ZEB2: variants seen among roughly 807,000 people sequenced by gnomAD.
ZEB2 encodes the protein zinc finger E-box binding homeobox 2, also known as zinc finger E-box-binding homeobox 2.
In ZEB2, 6 loss-of-function variants were observed where a neutral mutation model predicts 99.9. That is an observed-to-expected ratio of 0.06 (90% CI 0.03 to 0.12). The LOEUF is 0.12. ZEB2 is among the 10% of genes least tolerant of loss of function. The pLI is 1.00. For synonymous variants in ZEB2, 517 were observed against 542.5 expected (o/e 0.95, Z 0.65); for missense variants, 969 against 1,502.8 (o/e 0.64, Z 5.87).
intron 4 of ZEB2, among the ~76,000 whole-genome samples, chr2:144,419,577 C>T (rs963332569): frequency 6.6e-6 from 1 of 152,202 alleles, no homozygotes; most frequent in African/African-American, 2.4e-5. Context: ...CTTGTTACTA[C>T]TAGCACGTAG....
At chr2:144,476,613 T>C (rs1237943330) in intron 2 of ZEB2, among the ~76,000 whole-genome samples, 4 of 152,194 alleles carry the variant, frequency 2.6e-5, no homozygotes, top group African/African-American at 9.7e-5. Flanking sequence ...AGCCATGAGA[T>C]TGGAACAGGA....
intron 2 of ZEB2, among the ~76,000 whole-genome samples, chr2:144,484,230 A>G (rs1704562788): frequency 1.5e-5 from 1 of 66,438 alleles, no homozygotes; most frequent in Non-Finnish European, 4.2e-5. Context: ...CCCAATTTTT[A>G]AATATTGGCA....
At chr2:144,401,752 AT>A (rs947522895) in intron 6 of ZEB2, among the ~76,000 whole-genome samples, 3 of 152,152 alleles carry the variant, frequency 2.0e-5, no homozygotes, top group Admixed American at 6.5e-5. Flanking sequence ...AAAGTTATCA[AT>A]TTTTTTGTAT....
At chr2:144,501,366 G>A (rs574341618) in intron 2 of ZEB2, among the ~76,000 whole-genome samples, 1 of 152,238 alleles carries the variant, frequency 6.6e-6, no homozygotes, top group Admixed American at 6.5e-5. Context: ...AAGGGGAAAA[G>A]GCCATGTAAG....
rs2149877446 is a variant in ZEB2 at position 144,400,054 on chromosome 2, G to T, written c.1133C>A (p.Pro378Gln). 1 of 1,613,676 alleles carries T rather than the reference G, an allele frequency of 6.2e-7. No homozygotes were observed. The highest frequency in any genetic ancestry group is 2.2e-5 in the East Asian group (1 of 44,864). Residue 378 changes from proline to glutamine, a missense_variant, in exon 8 of 10, where the codon CCA (proline) becomes CAA (glutamine). Transcript: ENST00000627532. ...QLRNKLENGK[P>Q]LSMSEQTGLL... ...GCCTGTCTGTTCAGACATACTAAGT[G>T]GTTTTCCATTCTCCAACTTGTTTCT... is the stretch of plus-strand genomic sequence containing the variant.
At chr2:144,511,118 C>T (rs1705031069) in intron 2 of ZEB2, among the ~76,000 whole-genome samples, 1 of 152,296 alleles carries the variant, frequency 6.6e-6, no homozygotes. Flanking sequence ...TTGGTATTTT[C>T]TGTCTTCATG....
intron 4 of ZEB2, among the ~76,000 whole-genome samples, chr2:144,417,431 AT>A (rs1448511706): frequency 6.6e-6 from 1 of 152,190 alleles, no homozygotes; most frequent in Non-Finnish European, 1.5e-5. Flanking sequence ...GAAGAAAAAA[AT>A]ATATATGATT....
At chr2:144,516,599 G>C (rs1705149635) in intron 2 of ZEB2, 1 of 2,222 alleles carries the variant, frequency 4.5e-4, no homozygotes. Flanking sequence ...TTCAGTCCCC[G>C]GCCTGGGGGC....
At chr2:144,471,469 A>C (rs1048706710) in intron 2 of ZEB2, among the ~76,000 whole-genome samples, 2 of 151,690 alleles carry the variant, frequency 1.3e-5, no homozygotes, top group African/African-American at 4.8e-5. Flanking sequence ...AAGAACAAAA[A>C]CCTAAGGGAC....
chr2:144,388,849 T>C lies in ZEB2; in HGVS notation c.*602A>G, dbSNP rs567717982. 217 of 459,226 alleles carry C rather than the reference T, an allele frequency of 4.7e-4. 2 individuals are homozygous for C. The highest frequency in any genetic ancestry group is 3.6e-3 in the Middle Eastern group (11 of 3,022). The allele number at this position is 459,226 out of a possible 1,614,324, so 28.4% of individuals were successfully genotyped here. Reference sequence around the variant, plus strand: ...CGTCCAGGTCACTTTAAGACTTCGGTATCTTAAATTCACACATGCATCACT... The same window carrying C: ...CGTCCAGGTCACTTTAAGACTTCGGCATCTTAAATTCACACATGCATCACT... On this transcript the variant is annotated 3_prime_UTR_variant, in exon 10 of 10. Transcript: ENST00000627532. This position sits in a 1 kb window ranked among gnomAD's most constrained non-coding sequence, Gnocchi z 5.4.
intron 2 of ZEB2, chr2:144,511,619 A>T: frequency 1.6e-6 from 2 of 1,286,590 alleles, no homozygotes; most frequent in Non-Finnish European, 2.0e-6. Context: ...CCAAATAGTC[A>T]TTCAATAGAT....
Position 144,404,048 on chromosome 2 carries a change from T to C in ZEB2, c.675A>G (p.Ser225=). 1.2e-6 allele frequency: 2 copies of C among 1,613,968 alleles called. No individual in the cohort carries two copies. Among genetic ancestry groups the C allele is most frequent in the Non-Finnish European group, 1.7e-6 (2 of 1,179,996 alleles). Residue 225 remains serine, a synonymous_variant, in exon 6 of 10, where the codon TCA becomes TCG. Transcript: ENST00000627532. The part of the protein sequence containing the change: ...YCDRGYKRLT[S]LKEHIKYRHE... ...GGCGGTACTTGATGTGCTCCTTCAG[T>C]GATGTCAAGCGCTTGTAGCCCCGGT...
intron 2 of ZEB2, chr2:144,513,431 G>T: frequency 7.0e-7 from 1 of 1,419,658 alleles, no homozygotes; most frequent in Non-Finnish European, 9.3e-7. Context: ...GGAAACTCTG[G>T]AGAAAAATCA....
At chr2:144,473,045 T>C (rs2149910173) in intron 2 of ZEB2, among the ~76,000 whole-genome samples, 1 of 152,246 alleles carries the variant, frequency 6.6e-6, no homozygotes, top group Admixed American at 6.5e-5. Context: ...TATGTGAATG[T>C]GGTGGGAGAG....
intron 2 of ZEB2, chr2:144,461,353 T>C (rs1364945635): frequency 1.3e-5 from 2 of 152,168 alleles, no homozygotes; most frequent in South Asian, 2.1e-4. Context: ...CGTGTAGTAA[T>C]AGTGCATATC....
chr2:144,416,160 G>A (rs184323856), intron 4 of ZEB2, among the ~76,000 whole-genome samples: 4 of 152,206 alleles, frequency 2.6e-5, no homozygotes, highest in African/African-American at 4.8e-5. Context: ...CCCTTGAAAC[G>A]TGTACTTCAA....
chr2:144,404,481 G>C (rs1380525006), intron 5 of ZEB2, among the ~76,000 whole-genome samples: 3 of 152,070 alleles, frequency 2.0e-5, no homozygotes, highest in Non-Finnish European at 4.4e-5. Context: ...ACAGTGTGAA[G>C]GGGCGTTTCA....
At chr2:144,498,512 A>C (rs1286603980) in intron 2 of ZEB2, among the ~76,000 whole-genome samples, 1 of 152,118 alleles carries the variant, frequency 6.6e-6, no homozygotes, top group African/African-American at 2.4e-5. Flanking sequence ...TGACTGCTGG[A>C]ATATGAAATC....
intron 2 of ZEB2, among the ~76,000 whole-genome samples, chr2:144,451,767 T>C (rs1324655109): frequency 1.3e-5 from 2 of 152,244 alleles, no homozygotes; most frequent in Non-Finnish European, 2.9e-5. Context: ...CTATTTAATT[T>C]GGAAAGAAGT....
Sources: allele counts gnomAD v4.1 joint callset (sites outside exome capture counted in the v4.1 genomes callset), GRCh38; gene constraint gnomAD v4.1.1; non-coding constraint Gnocchi (gnomAD v3.1); transcripts MANE v1.5; gene names NCBI Gene and HGNC (gene_info 2026-07-23, HGNC 2026-07-21).